Variants in SOX13 observed in about 807,000 individuals in gnomAD.
SOX13 encodes transcription factor SOX-13.
SOX13 carries 28 observed loss-of-function variants against 71.8 expected under a neutral mutation model. The observed-to-expected ratio is 0.39, with a 90% CI of 0.29 to 0.53. SOX13 has a LOEUF of 0.53. Ranked by LOEUF, SOX13 falls within the 20% of genes least tolerant of loss-of-function variation. The pLI is 0.70. For synonymous variants in SOX13, 309 were observed against 317.8 expected (o/e 0.97, Z 0.29); for missense variants, 627 against 810.3 (o/e 0.77, Z 2.75).
At chr1:204,086,504 T>C (rs1382356240) in intron 1 of SOX13, among the ~76,000 whole-genome samples, 2 of 151,880 alleles carry the variant, frequency 1.3e-5, no homozygotes, top group African/African-American at 4.8e-5. Context: ...GAGTTTATCA[T>C]GTTGGCCAGG....
rs903073394 is a variant in SOX13 at position 204,091,381 on chromosome 1, C to G, written c.-2+17670C>G. Among the ~76,000 whole-genome samples, 8 of 152,210 alleles carry G rather than the reference C, an allele frequency of 5.3e-5. No homozygotes were observed. In the South Asian group the frequency reaches 1.2e-3, roughly 24 times the overall value. The stretch of plus-strand genomic sequence containing the variant: ...TGAGCATGCTTATATTGTTCAGGAT[C>G]GAGGAATATTGATCTCTAGATGTCT... On this transcript the variant is annotated intron_variant, in intron 1 of 13. Coordinates refer to ENST00000367204, the MANE Select transcript of SOX13 (RefSeq NM_005686.3).
chr1:204,121,126 C>T (rs1412467810), intron 7 of SOX13, among the ~76,000 whole-genome samples: 3 of 151,924 alleles, frequency 2.0e-5, no homozygotes, highest in East Asian at 1.9e-4. Context: ...ATTACAGGCG[C>T]GTGCCACCGC....
chr1:204,101,624 C>T (rs116056909), intron 1 of SOX13, among the ~76,000 whole-genome samples: 1 of 152,040 alleles, frequency 6.6e-6, no homozygotes, highest in African/African-American at 2.4e-5. Flanking sequence ...TACTAAGTGC[C>T]AATCTGCTTT....
chr1:204,079,560 T>C (rs924096052), intron 1 of SOX13, among the ~76,000 whole-genome samples: 23 of 152,026 alleles, frequency 1.5e-4, no homozygotes, highest in African/African-American at 5.3e-4. Context: ...TGGCCATGGC[T>C]GGTCTCGAAC....
intron 4 of SOX13, 111 bp downstream of exon 4, chr1:204,114,716 C>A: frequency 1.2e-6 from 1 of 800,042 alleles, no homozygotes; most frequent in Admixed American, 1.9e-5. Context: ...CTATCCTGTG[C>A]CATCTGGCTC....
At chr1:204,096,897 A>C (rs977966136) in intron 1 of SOX13, among the ~76,000 whole-genome samples, 2 of 151,898 alleles carry the variant, frequency 1.3e-5, no homozygotes, top group Admixed American at 6.6e-5. Flanking sequence ...TTTTGATAAT[A>C]GCCATCCTCT....
chr1:204,111,329 A>T (rs1165009189), intron 1 of SOX13, among the ~76,000 whole-genome samples: 4 of 152,212 alleles, frequency 2.6e-5, no homozygotes, highest in Non-Finnish European at 5.9e-5. Flanking sequence ...AACTTGCCCT[A>T]GGTCACTTGG....
Position 204,127,722 on chromosome 1 carries a change from A to G in SOX13, c.*1588A>G, listed in dbSNP as rs1358278409. 6.6e-6 allele frequency: 1 copy of G among 152,624 alleles called. No individual in the cohort carries two copies. The highest frequency in any genetic ancestry group is 6.5e-5 in the Admixed American group (1 of 15,280). The allele number at this position is 152,624 out of a possible 1,614,324, so 9.5% of individuals were successfully genotyped here. A position where few individuals can be genotyped will look rare whatever the true frequency, so the allele number is the denominator to read the frequency against. ...GATTTTTTTGTTTTCTGATGACATA[A>G]TAAAGACAGATCATTTCAGAATCTG... On this transcript the variant is annotated 3_prime_UTR_variant, in exon 14 of 14. Coordinates refer to ENST00000367204, the MANE Select transcript of SOX13 (RefSeq NM_005686.3).
Position 204,123,885 on chromosome 1 carries a change from G to A in SOX13, c.1375+81G>A. On this transcript the variant is annotated intron_variant, in intron 12 of 13. Transcript: ENST00000367204. The surrounding 1 kb of genome is among the most constrained non-coding windows in gnomAD (Gnocchi z 5.0). ...TGGGTCTATTCAGGGCTTGCTTGGT[G>A]ATATTCCATACTGTGTTGGACTCCA... is the stretch of plus-strand genomic sequence containing the variant. 1 of 1,500,304 alleles carries A rather than the reference G, an allele frequency of 6.7e-7. No individual in the cohort carries two copies. The highest frequency in any genetic ancestry group is 1.2e-5 in the South Asian group (1 of 85,298). The allele number at this position is 1,500,304 out of a possible 1,614,324, so 92.9% of individuals were successfully genotyped here. A position where few individuals can be genotyped will look rare whatever the true frequency, so the allele number is the denominator to read the frequency against.
intron 7 of SOX13, among the ~76,000 whole-genome samples, chr1:204,120,982 CTTTTTT>C (rs11454769): frequency 6.0e-4 from 85 of 140,580 alleles, no homozygotes; most frequent in African/African-American, 2.2e-3. Context: ...ATTTTAAATT[CTTTTTT>C]TTTTTTTTTG....
At chr1:204,106,550 G>A (rs867711367) in intron 1 of SOX13, among the ~76,000 whole-genome samples, 5 of 142,764 alleles carry the variant, frequency 3.5e-5, no homozygotes, top group South Asian at 2.2e-4. Flanking sequence ...AGGAGTTTTC[G>A]CTGTTGTTGC....
At position 204,122,282 on chromosome 1, in the gene SOX13, G is replaced by C. The variant is rs199517579; in HGVS notation, c.907G>C (p.Glu303Gln). The C allele has an allele frequency of 5.8e-5, 92 of 1,588,388 alleles. No homozygotes were observed. The highest frequency in any genetic ancestry group is 7.4e-5 in the Non-Finnish European group (86 of 1,167,952). ...CCTCACAGCCAAGCCCAAGGCCCCC[G>C]AGCTGCCCAACACCTCCAGCTCCCC... ...LNLTAKPKAP[E>Q]LPNTSSSPSL... The change falls in exon 9 of 14, where the codon GAG becomes CAG. Residue 303 changes from glutamate (E) to glutamine (Q), a missense_variant. Glu to Gln is a conservative substitution (Grantham distance 29). This residue lies in a region of SOX13 where 447 missense variants were observed against 532.2 expected (regional missense o/e 0.84). Coordinates refer to ENST00000367204, the MANE Select transcript of SOX13 (RefSeq NM_005686.3).
At chr1:204,079,935 G>A (rs751406550) in intron 1 of SOX13, among the ~76,000 whole-genome samples, 1 of 152,186 alleles carries the variant, frequency 6.6e-6, no homozygotes. Flanking sequence ...AGGATGTGCT[G>A]TGTGTGTGGC....
At position 204,115,051 on chromosome 1, in the gene SOX13, G is replaced by A. The variant is rs1042701016; in HGVS notation, c.418+446G>A. ...TTTTAAGATACAGTCTCCCTGTGTC[G>A]CCCAGGCTGGAGTGCAGTGGCACAA... On this transcript the variant is annotated intron_variant, in intron 4 of 13. Coordinates refer to ENST00000367204, the MANE Select transcript of SOX13 (RefSeq NM_005686.3). Among the ~76,000 whole-genome samples, 45 of 150,200 alleles carry A rather than the reference G, an allele frequency of 3.0e-4. 1 individual carries two copies. Among genetic ancestry groups the A allele is most frequent in the Admixed American group, 2.6e-3 (39 of 15,000 alleles).
intron 1 of SOX13, among the ~76,000 whole-genome samples, chr1:204,083,864 GGGGA>G (rs1655960194): frequency 1.3e-5 from 2 of 152,198 alleles, no homozygotes; most frequent in Non-Finnish European, 2.9e-5. Context: ...GACAAACTGA[GGGGA>G]GGGAGGGACA....
chr1:204,105,838 G>A (rs754979563), intron 1 of SOX13, among the ~76,000 whole-genome samples: 14 of 152,284 alleles, frequency 9.2e-5, no homozygotes, highest in South Asian at 2.1e-4. Flanking sequence ...CCATCCAAGC[G>A]AGGGGCTGAC....
intron 1 of SOX13, among the ~76,000 whole-genome samples, chr1:204,108,318 C>T (rs1656511632): frequency 6.6e-6 from 1 of 152,178 alleles, no homozygotes; most frequent in Admixed American, 6.5e-5. Context: ...TTGATGCCCA[C>T]AGCACATTTC....
rs1656699033 is a variant in SOX13 at position 204,116,579 on chromosome 1, A to G, written c.491A>G (p.Asp164Gly). The change falls in exon 5 of 14, where the codon GAC (aspartate) becomes GGC (glycine). Residue 164 changes from aspartate (D) to glycine (G), a missense_variant. Physicochemically the swap from Asp to Gly is moderately conservative, Grantham distance 94. Around this residue, in one of 3 missense-constraint regions of SOX13, gnomAD observed 447 missense variants for 532.2 expected, o/e 0.84. Coordinates refer to ENST00000367204, the MANE Select transcript of SOX13 (RefSeq NM_005686.3). Reference protein sequence around the residue: ...VMIHQLSTLRDQLLTAHSEQK... With the variant: ...VMIHQLSTLRGQLLTAHSEQK... ...ATTCACCAGCTGTCCACCCTGCGGGACCAGCTCCTGACAGCCCACTCGGAG... is the reference window on the plus strand; with the variant it reads ...ATTCACCAGCTGTCCACCCTGCGGGGCCAGCTCCTGACAGCCCACTCGGAG... 1 of 1,613,962 alleles carries G rather than the reference A, an allele frequency of 6.2e-7. No homozygotes were observed. Among genetic ancestry groups the G allele is most frequent in the Non-Finnish European group, 8.5e-7 (1 of 1,179,888 alleles).
chr1:204,100,638 C>A (rs919735514), intron 1 of SOX13, among the ~76,000 whole-genome samples: 9 of 152,124 alleles, frequency 5.9e-5, no homozygotes, highest in African/African-American at 9.7e-5. Flanking sequence ...GCTTTAGTGG[C>A]GGGCTTGGCT....
Sources: gnomAD v4.1 joint callset for allele counts (sites outside exome capture counted in the v4.1 genomes callset) on GRCh38, gnomAD v4.1.1 for gene constraint, gnomAD v4.1.1 regional missense constraint, Gnocchi (gnomAD v3.1) non-coding constraint, MANE v1.5 for transcripts, NCBI Gene and HGNC (gene_info 2026-07-23, HGNC 2026-07-21) for gene names.